The following CSMD1 variants were observed in gnomAD, a reference collection of about 807,000 sequenced individuals.
CSMD1 encodes the protein CUB and sushi domain-containing protein 1.
Under a neutral mutation model 417.5 loss-of-function variants are expected in CSMD1, and 213 were observed. That is an observed-to-expected ratio of 0.51 (90% CI 0.46 to 0.57). The LOEUF (loss-of-function observed/expected upper bound fraction) is 0.57, where lower values mean the gene tolerates loss of function less well. CSMD1 is among the 20% of genes least tolerant of loss of function. The pLI is 0.00. For missense variants in CSMD1, 6,923 were observed against 4,529.7 expected (o/e 1.53, Z -15.17); for synonymous variants, 2,862 against 1,736.8 (o/e 1.65, Z -16.11).
At chr8:4,258,572 A>G (rs888629205) in intron 3 of CSMD1, among the ~76,000 whole-genome samples, 2 of 146,744 alleles carry the variant, frequency 1.4e-5, no homozygotes, top group South Asian at 2.2e-4. Context: ...GGAGGGAAGA[A>G]TGGAAGGAAG....
chr8:3,148,943 A>T (rs569294621), intron 40 of CSMD1, among the ~76,000 whole-genome samples: 4 of 152,342 alleles, frequency 2.6e-5, no homozygotes, highest in Non-Finnish European at 5.9e-5. Context: ...AAAGCTAGGG[A>T]TAATACTTTT....
intron 15 of CSMD1, among the ~76,000 whole-genome samples, chr8:3,403,272 A>G (rs1812146124): frequency 6.6e-6 from 1 of 152,154 alleles, no homozygotes; most frequent in East Asian, 1.9e-4. Context: ...CAAGTTTGTT[A>G]TCTGTATTAC....
intron 1 of CSMD1, among the ~76,000 whole-genome samples, chr8:4,979,207 G>C (rs1210048243): frequency 1.3e-5 from 2 of 152,120 alleles, no homozygotes. Context: ...ATAGAACTGA[G>C]AGTCTAATTT....
chr8:4,091,331 G>A lies in CSMD1; in HGVS notation c.416-59232C>T, dbSNP rs149536875. Among the ~76,000 whole-genome samples, 1,116 of 152,228 alleles carry A rather than the reference G, an allele frequency of 7.3e-3. 7 individuals carry two copies. The highest frequency in any genetic ancestry group is 0.013 in the Non-Finnish European group (905 of 68,018). On this transcript the variant is annotated intron_variant, in intron 3 of 69. Coordinates refer to ENST00000635120, the MANE Select transcript of CSMD1 (RefSeq NM_033225.6). Reference sequence around the variant, plus strand: ...TTCAATAAATATTTTGTTGTAGTTAGAATGATTCCATCATTGAATTTGAAA... The same window carrying A: ...TTCAATAAATATTTTGTTGTAGTTAAAATGATTCCATCATTGAATTTGAAA...
At chr8:3,382,239 G>A (rs1585081627) in intron 18 of CSMD1, among the ~76,000 whole-genome samples, 1 of 151,196 alleles carries the variant, frequency 6.6e-6, no homozygotes, top group East Asian at 1.9e-4. Context: ...AGCAGGAAAG[G>A]GAAAAAGTTA....
At chr8:4,706,328 C>T (rs1208889999) in intron 1 of CSMD1, among the ~76,000 whole-genome samples, 2 of 152,026 alleles carry the variant, frequency 1.3e-5, no homozygotes, top group African/African-American at 2.4e-5. Context: ...AAATAAAATA[C>T]TTTTCCACAT....
intron 6 of CSMD1, among the ~76,000 whole-genome samples, chr8:3,716,554 T>C (rs191417654): frequency 6.6e-6 from 1 of 152,160 alleles, no homozygotes; most frequent in African/African-American, 2.4e-5. Context: ...GTCACTCTCG[T>C]CCCCGTCTTG....
chr8:4,419,890 G>T (rs758391699), intron 3 of CSMD1, 63 bp downstream of exon 3: 4 of 1,099,738 alleles, frequency 3.6e-6, no homozygotes, highest in Admixed American at 2.0e-5. Flanking sequence ...TATTAATCCA[G>T]TGTAGCATGT....
chr8:3,937,972 G>T (rs779738836), intron 5 of CSMD1, among the ~76,000 whole-genome samples: 7 of 152,060 alleles, frequency 4.6e-5, no homozygotes, highest in Non-Finnish European at 1.0e-4. Flanking sequence ...ACCATATTAA[G>T]TTATATCACA....
chr8:4,803,304 G>A (rs1798408536), intron 1 of CSMD1, among the ~76,000 whole-genome samples: 1 of 152,148 alleles, frequency 6.6e-6, no homozygotes, highest in Non-Finnish European at 1.5e-5. Flanking sequence ...ATTCCCTTTA[G>A]TGTTCAGTGA....
chr8:3,951,258 G>A (rs893932595), intron 5 of CSMD1, among the ~76,000 whole-genome samples: 4 of 152,204 alleles, frequency 2.6e-5, no homozygotes, highest in African/African-American at 9.6e-5. Context: ...ACTGAGGCCA[G>A]AGTGGATTTC....
chr8:3,108,412 C>G (rs553937478), intron 44 of CSMD1, among the ~76,000 whole-genome samples, 191 bp downstream of exon 44: 1 of 151,958 alleles, frequency 6.6e-6, no homozygotes, highest in Non-Finnish European at 1.5e-5. Context: ...AAGCTGGATA[C>G]GATGTGAAAT....
intron 3 of CSMD1, among the ~76,000 whole-genome samples, chr8:4,107,079 A>C (rs762359386): frequency 6.6e-6 from 1 of 152,210 alleles, no homozygotes; most frequent in Non-Finnish European, 1.5e-5. Flanking sequence ...GTCAACGACA[A>C]CATGAACAAG....
At chr8:3,233,330 T>G (rs1475214166) in intron 26 of CSMD1, among the ~76,000 whole-genome samples, 4 of 152,190 alleles carry the variant, frequency 2.6e-5, no homozygotes. Context: ...GCTGGCATGC[T>G]CAGCCCCTCG....
intron 11 of CSMD1, among the ~76,000 whole-genome samples, chr8:3,488,789 T>G (rs1019631085): frequency 4.6e-5 from 7 of 152,180 alleles, no homozygotes; most frequent in African/African-American, 1.7e-4. Context: ...GTCTATACTG[T>G]CACTGGCATT....
intron 14 of CSMD1, among the ~76,000 whole-genome samples, chr8:3,407,559 A>G (rs894339220): frequency 1.3e-5 from 2 of 151,732 alleles, no homozygotes; most frequent in African/African-American, 2.4e-5. Flanking sequence ...GAATAGATGG[A>G]ATAATGGTTT....
chr8:4,791,767 T>C (rs1797703355), intron 1 of CSMD1, among the ~76,000 whole-genome samples: 2 of 152,188 alleles, frequency 1.3e-5, no homozygotes, highest in African/African-American at 2.4e-5. Context: ...TAGCATCGTG[T>C]GCTAAACATT....
intron 5 of CSMD1, among the ~76,000 whole-genome samples, chr8:3,937,999 T>G (rs1042368621): frequency 3.3e-5 from 5 of 152,150 alleles, no homozygotes; most frequent in Non-Finnish European, 5.9e-5. Flanking sequence ...TCAAAATAAC[T>G]AACTATAAAA....
chr8:3,418,443 T>C (rs1241720465), intron 12 of CSMD1, among the ~76,000 whole-genome samples: 1 of 152,188 alleles, frequency 6.6e-6, no homozygotes, highest in Admixed American at 6.5e-5. Context: ...CAGAGAGCAC[T>C]TACTGGGAAA....
Sources: gnomAD v4.1 joint callset for allele counts (sites outside exome capture counted in the v4.1 genomes callset) on GRCh38, gnomAD v4.1.1 for gene constraint, MANE v1.5 for transcripts, NCBI Gene and HGNC (gene_info 2026-07-23, HGNC 2026-07-21) for gene names.